PCDH1: variants seen among roughly 807,000 people sequenced by gnomAD.
The protein encoded by PCDH1 is protocadherin 1, also known as protocadherin-1.
A neutral mutation model predicts 74.6 loss-of-function variants in PCDH1; 23 were observed. The ratio of observed to expected loss-of-function variants is 0.31; its 90% confidence interval spans 0.22 to 0.44. PCDH1 has a LOEUF of 0.44. PCDH1 is among the 20% of genes least tolerant of loss of function. PCDH1 has a pLI of 1.00. For synonymous variants in PCDH1, 647 were observed against 686.1 expected (o/e 0.94, Z 0.89); for missense variants, 1,214 against 1,641.4 (o/e 0.74, Z 4.50).
At chr5:141,857,703 C>T (rs1282013563) in intron 3 of PCDH1, among the ~76,000 whole-genome samples, 1 of 152,082 alleles carries the variant, frequency 6.6e-6, no homozygotes, top group Non-Finnish European at 1.5e-5. Flanking sequence ...ACTGGAAGTC[C>T]CAATACAGCG....
In PCDH1 at chr5:141,863,711, C is replaced by A. The variant is rs1752676726; in HGVS notation, c.2620G>T (p.Val874Leu). Reference protein sequence around the residue: ...VALLIALAVLVRYCRQREAKS... With the variant: ...VALLIALAVLLRYCRQREAKS... The stretch of plus-strand genomic sequence containing the variant: ...GCCTCCCGCTGTCTGCAGTAGCGCA[C>A]AAGAACCGCCAGGGCGATGAGCAAG... Residue 874 changes from valine (V) to leucine (L), a missense_variant, in exon 3 of 5, where the codon GTG (valine) becomes TTG (leucine). By Grantham distance (32) the Val-to-Leu change is conservative (BLOSUM62 1). Around this residue, in one of 4 missense-constraint regions of PCDH1, gnomAD observed 836 missense variants for 1,182.2 expected, o/e 0.71. Coordinates refer to ENST00000287008, the MANE Select transcript of PCDH1 (RefSeq NM_032420.5). The surrounding 1 kb of genome is among the most constrained non-coding windows in gnomAD (Gnocchi z 7.5). The A allele has an allele frequency of 6.2e-7, 1 of 1,614,202 alleles. No homozygotes were observed. Among genetic ancestry groups the A allele is most frequent in the Non-Finnish European group, 8.5e-7 (1 of 1,180,030 alleles).
chr5:141,876,786 C>G (rs1296906464), intron 1 of PCDH1, among the ~76,000 whole-genome samples: 1 of 149,820 alleles, frequency 6.7e-6, no homozygotes, highest in East Asian at 1.9e-4. Flanking sequence ...CGGGACCCAC[C>G]AAGGTGTGTG....
rs768516314 is a variant in PCDH1, at chr5:141,854,093, G to A, written c.3663C>T (p.Pro1221=). 13 of 1,552,062 alleles carry A rather than the reference G, an allele frequency of 8.4e-6. No individual in the cohort carries two copies. The highest frequency in any genetic ancestry group is 1.9e-4 in the Middle Eastern group (1 of 5,352). Residue 1221 remains proline (P), a synonymous_variant, in exon 5 of 5, where the codon CCC becomes CCT. Transcript: ENST00000287008. ...TCTGGGCAGATGCCGGTGTGGCTGC[G>A]GGTGGGAAGTCCGAGGTCTGGGTCA... ...IPLTQTSDFP[P]AATPASAQTA...
Position 141,878,368 on chromosome 5 carries a change from G to C in PCDH1, c.-106C>G. The C allele has an allele frequency of 1.1e-6, 1 of 883,030 alleles. No individual in the cohort carries two copies. The highest frequency in any genetic ancestry group is 1.4e-6 in the Non-Finnish European group (1 of 691,828). 54.7% of individuals were successfully genotyped at this position (883,030 alleles called of 1,614,324 possible). On this transcript the variant is annotated 5_prime_UTR_variant, in exon 1 of 5. Transcript: ENST00000287008. This position sits in a 1 kb window ranked among gnomAD's most constrained non-coding sequence, Gnocchi z 5.5. ...CGGCTGGCTCTGGGCGCAGCAGCCC[G>C]GCGGCTTTGCGTCCGCGCCGCGCTC...
chr5:141,853,939 C>T lies in PCDH1; in HGVS notation c.*103G>A. On this transcript the variant is annotated 3_prime_UTR_variant, in exon 5 of 5. Coordinates refer to ENST00000287008, the MANE Select transcript of PCDH1 (RefSeq NM_032420.5). The stretch of plus-strand genomic sequence containing the variant: ...GTGATACCCCCACTTGGGGCCCTGG[C>T]CAGGAAGTCCACGCTGAAGGGGTGG... The T allele has an allele frequency of 9.0e-7, 1 of 1,104,988 alleles. No homozygotes were observed. Among genetic ancestry groups the T allele is most frequent in the Non-Finnish European group, 1.2e-6 (1 of 804,418 alleles). 68.4% of individuals were successfully genotyped at this position (1,104,988 alleles called of 1,614,324 possible).
In PCDH1 at chr5:141,854,037, G is replaced by T; in HGVS notation, c.*5C>A. On this transcript the variant is annotated 3_prime_UTR_variant, in exon 5 of 5. Coordinates refer to ENST00000287008, the MANE Select transcript of PCDH1 (RefSeq NM_032420.5). ...GGGAGGGGGGCCGGCCGGCCAGTAG[G>T]GGGCTCACAGGTAGATCTCGCGCTT... The T allele has an allele frequency of 6.7e-7, 1 of 1,495,536 alleles. No homozygotes were observed. The highest frequency in any genetic ancestry group is 2.3e-5 in the East Asian group (1 of 43,104). The allele number at this position is 1,495,536 out of a possible 1,614,324, so 92.6% of individuals were successfully genotyped here.
chr5:141,870,361 T>C (rs1753061604), intron 1 of PCDH1, among the ~76,000 whole-genome samples: 1 of 152,060 alleles, frequency 6.6e-6, no homozygotes, highest in African/African-American at 2.4e-5. Context: ...CATGGGCAGG[T>C]GCGTACAAGG....
intron 4 of PCDH1, among the ~76,000 whole-genome samples, chr5:141,856,854 G>A (rs745742259): frequency 1.3e-5 from 2 of 152,084 alleles, no homozygotes; most frequent in African/African-American, 2.4e-5. Flanking sequence ...CCTTCTCAAG[G>A]TTTCCTCACC....
At position 141,864,492 on chromosome 5, in the gene PCDH1, C is replaced by A; in HGVS notation, c.1839G>T (p.Met613Ile). The change falls in exon 3 of 5, where the codon ATG (methionine) becomes ATT (isoleucine). Residue 613 changes from methionine to isoleucine, a missense_variant. Physicochemically the swap from Met to Ile is conservative, Grantham distance 10. Transcript: ENST00000287008. This position sits in a 1 kb window ranked among gnomAD's most constrained non-coding sequence, Gnocchi z 5.9. The part of the protein sequence containing the change: ...LDCNDNDPKF[M>I]LSGYNFSVME... ...TCACTGAGAAGTTGTAGCCACTCAG[C>A]ATAAATTTGGGGTCATTGTCATTGC... The A allele has an allele frequency of 6.2e-7, 1 of 1,614,072 alleles. No individual in the cohort carries two copies.
At chr5:141,871,019 A>G (rs953653030) in intron 1 of PCDH1, among the ~76,000 whole-genome samples, 18 of 152,020 alleles carry the variant, frequency 1.2e-4, no homozygotes, top group African/African-American at 4.3e-4. Context: ...ACTCACAGCC[A>G]CTTATTGTCT....
At chr5:141,866,781 C>G (rs1432263211) in intron 2 of PCDH1, among the ~76,000 whole-genome samples, 1 of 152,176 alleles carries the variant, frequency 6.6e-6, no homozygotes, top group Non-Finnish European at 1.5e-5. Flanking sequence ...TTGCCCGGCA[C>G]AGGGAAAGTG....
rs1287229641 is a variant in PCDH1, at chr5:141,853,391, G to A, written c.*651C>T. On this transcript the variant is annotated 3_prime_UTR_variant, in exon 5 of 5. Coordinates refer to ENST00000287008, the MANE Select transcript of PCDH1 (RefSeq NM_032420.5). ...GCAGAAATGGGGACGTCATTCCAAG[G>A]TCCTTATATACAGACACTGCATGAC... The A allele has an allele frequency of 6.6e-6, 1 of 152,436 alleles. No homozygotes were observed. The highest frequency in any genetic ancestry group is 1.5e-5 in the Non-Finnish European group (1 of 68,200). The allele number at this position is 152,436 out of a possible 1,614,324, so 9.4% of individuals were successfully genotyped here.
chr5:141,863,502 G>A lies in PCDH1; in HGVS notation c.2829C>T (p.Ser943=), dbSNP rs142103365. 2.7e-5 allele frequency: 43 copies of A among 1,612,354 alleles called. No individual in the cohort carries two copies. The highest frequency in any genetic ancestry group is 2.4e-4 in the African/African-American group (18 of 74,880). Residue 943 remains serine (S), a synonymous_variant, in exon 3 of 5, where the codon AGC becomes AGT. Transcript: ENST00000287008. The surrounding 1 kb of genome is among the most constrained non-coding windows in gnomAD (Gnocchi z 7.5). ...TGCGGGGACTGTCCCCAGGGGCATCGCTCATCAGGTTGAACTTGAGGGACT... is the reference window on the plus strand; with the variant it reads ...TGCGGGGACTGTCCCCAGGGGCATCACTCATCAGGTTGAACTTGAGGGACT... The part of the protein sequence containing the change: ...LQKSLKFNLM[S]DAPGDSPRIH...
In PCDH1 at chr5:141,864,190, T is replaced by A. The variant is rs781575679; in HGVS notation, c.2141A>T (p.Tyr714Phe). 2.1e-5 allele frequency: 33 copies of A among 1,607,088 alleles called. No individual in the cohort carries two copies. Among genetic ancestry groups the A allele is most frequent in the Non-Finnish European group, 2.8e-5 (33 of 1,174,882 alleles). ...AGAGGTGTTAGAAGGGGCAGTGATATAGGGTGCGTTGTCATTCTCGTCCAG... is the reference window on the plus strand; with the variant it reads ...AGAGGTGTTAGAAGGGGCAGTGATAAAGGGTGCGTTGTCATTCTCGTCCAG... ...NVLDENDNAPYITAPSNTSHK... is the reference protein window; with the variant it reads ...NVLDENDNAPFITAPSNTSHK... Residue 714 changes from tyrosine to phenylalanine, a missense_variant, in exon 3 of 5, where the codon TAT (tyrosine) becomes TTT (phenylalanine). Physicochemically the swap from Tyr to Phe is conservative, Grantham distance 22. Around this residue, in one of 4 missense-constraint regions of PCDH1, gnomAD observed 836 missense variants for 1,182.2 expected, o/e 0.71. Transcript: ENST00000287008. This position sits in a 1 kb window ranked among gnomAD's most constrained non-coding sequence, Gnocchi z 5.9.
chr5:141,862,055 G>A (rs1188093810), intron 3 of PCDH1, among the ~76,000 whole-genome samples: 4 of 152,172 alleles, frequency 2.6e-5, no homozygotes, highest in East Asian at 1.9e-4. Context: ...CCAGGGCCCC[G>A]CTCCCTGCAG....
Position 141,868,815 on chromosome 5 carries a change from C to T in PCDH1, c.657G>A (p.Leu219=). The T allele has an allele frequency of 1.2e-6, 2 of 1,614,228 alleles. No individual in the cohort carries two copies. The highest frequency in any genetic ancestry group is 8.5e-7 in the Non-Finnish European group (1 of 1,180,038). ...AGPEAQELFG[L]QVAEDQEEKQ... ...TCTCCTCCTGGTCCTCTGCCACCTG[C>T]AGCCCAAATAGCTCCTGGGCCTCAG... The change falls in exon 2 of 5, where the codon CTG becomes CTA. Residue 219 remains leucine (L), a synonymous_variant. Coordinates refer to ENST00000287008, the MANE Select transcript of PCDH1 (RefSeq NM_032420.5). This position sits in a 1 kb window ranked among gnomAD's most constrained non-coding sequence, Gnocchi z 4.8.
At chr5:141,872,051 G>A (rs1016710485) in intron 1 of PCDH1, among the ~76,000 whole-genome samples, 9 of 152,128 alleles carry the variant, frequency 5.9e-5, no homozygotes, top group African/African-American at 1.7e-4. Flanking sequence ...TGTGTGCGGC[G>A]TTATCAGATT....
In PCDH1 at chr5:141,854,308, G is replaced by A. The variant is rs543185557; in HGVS notation, c.3448C>T (p.Leu1150Phe). 1.2e-6 allele frequency: 2 copies of A among 1,613,966 alleles called. No individual in the cohort carries two copies. Among genetic ancestry groups the A allele is most frequent in the African/African-American group, 2.7e-5 (2 of 75,044 alleles). Residue 1150 changes from leucine (L) to phenylalanine (F), a missense_variant, in exon 5 of 5, where the codon CTC (leucine) becomes TTC (phenylalanine). Transcript: ENST00000287008. ...TAAGGCACGAAGGTGGAGAGTTTGA[G>A]GGCGCTGCTCTTGGTCCGGCGGCTG... is the stretch of plus-strand genomic sequence containing the variant. Reference protein sequence around the residue: ...SPSRRTKSSALKLSTFVPYQD... With the variant: ...SPSRRTKSSAFKLSTFVPYQD...
rs1254379676 is a variant in PCDH1, at chr5:141,863,446, C to A, written c.2885G>T (p.Ser962Ile). The change falls in exon 3 of 5, where the codon AGC (serine) becomes ATC (isoleucine). Residue 962 changes from serine to isoleucine, a missense_variant. Physicochemically the swap from Ser to Ile is moderately radical, Grantham distance 142. This residue lies in a region of PCDH1 where 836 missense variants were observed against 1,182.2 expected (regional missense o/e 0.71). Transcript: ENST00000287008. This position sits in a 1 kb window ranked among gnomAD's most constrained non-coding sequence, Gnocchi z 7.5. ...IHLPLNYPPG[S>I]PDLGRHYRSN... Reference sequence around the variant, plus strand: ...GCGATAGTGGCGGCCCAGGTCAGGGCTGCCTGGTGGGTAGTTGAGGGGCAG... The same window carrying A: ...GCGATAGTGGCGGCCCAGGTCAGGGATGCCTGGTGGGTAGTTGAGGGGCAG... 1.9e-6 allele frequency: 3 copies of A among 1,570,470 alleles called. No individual in the cohort carries two copies. Among genetic ancestry groups the A allele is most frequent in the Admixed American group, 3.5e-5 (2 of 56,342 alleles).
Sources: gnomAD v4.1 joint callset for allele counts (sites outside exome capture counted in the v4.1 genomes callset) on GRCh38, gnomAD v4.1.1 for gene constraint, gnomAD v4.1.1 regional missense constraint, Gnocchi (gnomAD v3.1) non-coding constraint, MANE v1.5 for transcripts, NCBI Gene and HGNC (gene_info 2026-07-23, HGNC 2026-07-21) for gene names.